The following CHODL variants were observed in gnomAD, a reference collection of about 807,000 sequenced individuals.
CHODL encodes the protein chondrolectin.
A neutral mutation model predicts 34.5 loss-of-function variants in CHODL; 29 were observed. That is an observed-to-expected ratio of 0.84 (90% CI 0.63 to 1.15). CHODL has a LOEUF of 1.15. Ranked by LOEUF, CHODL falls within the 50% of genes most tolerant of loss-of-function variation. CHODL has a pLI of 0.00. For synonymous variants in CHODL, 125 were observed against 116.1 expected, an observed-to-expected ratio of 1.08 and a Z score of -0.49; for missense variants, 332 against 332.5, an observed-to-expected ratio of 1.00 and a Z score of 0.01.
intron 1 of CHODL, among the ~76,000 whole-genome samples, chr21:17,958,459 A>G (rs1434046785): frequency 6.6e-6 from 1 of 152,136 alleles, no homozygotes; most frequent in African/African-American, 2.4e-5. Flanking sequence ...CTGGTATCAT[A>G]CTACTTCTCC....
intron 2 of CHODL, among the ~76,000 whole-genome samples, chr21:18,190,149 G>C (rs2073494148): frequency 2.0e-5 from 3 of 151,790 alleles, no homozygotes; most frequent in African/African-American, 7.3e-5. Context: ...CTTACATTTT[G>C]TTAACTTCTG....
chr21:17,924,271 TGAG>T (rs1338595606), intron 1 of CHODL, among the ~76,000 whole-genome samples: 1 of 152,034 alleles, frequency 6.6e-6, no homozygotes, highest in Non-Finnish European at 1.5e-5. Flanking sequence ...TGAAGGGACT[TGAG>T]GAGAGAAATG....
chr21:17,996,060 C>T (rs1429377333), intron 1 of CHODL, among the ~76,000 whole-genome samples: 1 of 152,024 alleles, frequency 6.6e-6, no homozygotes, highest in Admixed American at 6.6e-5. Context: ...GATTGAGTGA[C>T]TTTTGACTCA....
chr21:17,971,114 T>C (rs1200020544), intron 1 of CHODL, among the ~76,000 whole-genome samples: 1 of 152,242 alleles, frequency 6.6e-6, no homozygotes, highest in African/African-American at 2.4e-5. Context: ...GTGTCACATT[T>C]TCTTTATCCA....
chr21:18,171,198 G>GTTTTTTTTTTTTTTTTTTT, intron 2 of CHODL, among the ~76,000 whole-genome samples: 1 of 37,066 alleles, frequency 2.7e-5, no homozygotes, highest in Admixed American at 6.5e-4. Context: ...GTTTTCTTTA[G>GTTTTTTTTTTTTTTTTTTT]TTTTTTTTTT....
intron 1 of CHODL, among the ~76,000 whole-genome samples, chr21:18,012,793 A>G (rs2064031405): frequency 6.6e-6 from 1 of 152,254 alleles, no homozygotes. Flanking sequence ...CATGGTCACC[A>G]TGCTGAAATA....
intron 1 of CHODL, among the ~76,000 whole-genome samples, chr21:18,251,473 T>TTATTTAATATATAAAATAAA (rs2074239138): frequency 4.5e-4 from 2 of 4,414 alleles, no homozygotes; most frequent in African/African-American, 7.3e-4. Context: ...TTTATTTTAA[T>TTATTTAATATATAAAATAAA]TATTTATTTT....
In CHODL at chr21:18,256,580, C is replaced by CGAGT. The variant is rs1399348195; in HGVS notation, c.155_158dup (p.Phe54GlufsTer10). On this transcript the variant is annotated frameshift_variant, in exon 2 of 6. Coordinates refer to ENST00000299295, the MANE Select transcript of CHODL (RefSeq NM_024944.3). LOFTEE classifies it high-confidence loss of function. ...GGCCTACTTCCATGAACTGTCCAGCCGAGTGAGCTTTCAGGAGGCACGCCT... is the reference window on the plus strand; with the variant it reads ...GGCCTACTTCCATGAACTGTCCAGCCGAGTGAGTGAGCTTTCAGGAGGCACGCCT... 6.2e-7 allele frequency: 1 copy of CGAGT among 1,613,634 alleles called. No individual in the cohort carries two copies. Among genetic ancestry groups the CGAGT allele is most frequent in the Non-Finnish European group, 8.5e-7 (1 of 1,179,954 alleles).
chr21:17,987,161 A>T (rs1174481199), intron 1 of CHODL, among the ~76,000 whole-genome samples: 2 of 152,124 alleles, frequency 1.3e-5, no homozygotes, highest in Admixed American at 1.3e-4. Context: ...TCACAGTAAG[A>T]TCTATTAATT....
intron 1 of CHODL, among the ~76,000 whole-genome samples, chr21:17,961,302 A>T (rs2063530576): frequency 6.6e-6 from 1 of 152,236 alleles, no homozygotes; most frequent in South Asian, 2.1e-4. Context: ...CAGTTCAGCT[A>T]GTGCTACCTA....
intron 2 of CHODL, among the ~76,000 whole-genome samples, chr21:18,227,257 G>A (rs1568945120): frequency 6.6e-6 from 1 of 152,162 alleles, no homozygotes; most frequent in East Asian, 1.9e-4. Flanking sequence ...TATGAATTTT[G>A]GGGAGACACA....
At chr21:17,942,583 T>C (rs1418939064) in intron 1 of CHODL, among the ~76,000 whole-genome samples, 1 of 151,978 alleles carries the variant, frequency 6.6e-6, no homozygotes, top group Non-Finnish European at 1.5e-5. Flanking sequence ...TAATATATAG[T>C]ACAAAAGAAA....
chr21:18,165,969 C>G (rs543380681), intron 2 of CHODL, among the ~76,000 whole-genome samples: 2 of 152,208 alleles, frequency 1.3e-5, no homozygotes, highest in African/African-American at 4.8e-5. Flanking sequence ...AGGCTTAAAA[C>G]AGTAAAAATT....
chr21:18,144,250 AATT>A (rs2072837776), intron 2 of CHODL, among the ~76,000 whole-genome samples: 1 of 152,220 alleles, frequency 6.6e-6, no homozygotes, highest in Middle Eastern at 3.4e-3. Flanking sequence ...TATATTTGAA[AATT>A]ATTATATTTT....
At chr21:18,241,249 T>TAA (rs34330433), upstream of CHODL, among the ~76,000 whole-genome samples, 1,374 of 145,150 alleles carry the variant, frequency 9.5e-3, 11 homozygotes, top group African/African-American at 0.017. Context: ...ATTACTCAGA[T>TAA]AAAAAAAAAA....
At chr21:18,064,371 T>C (rs1199641842) in intron 2 of CHODL, among the ~76,000 whole-genome samples, 3 of 152,218 alleles carry the variant, frequency 2.0e-5, no homozygotes, top group Non-Finnish European at 4.4e-5. Flanking sequence ...CAAACCTATG[T>C]ACTTAATATT....
At chr21:17,965,569 C>T (rs771844061) in intron 1 of CHODL, among the ~76,000 whole-genome samples, 5 of 152,156 alleles carry the variant, frequency 3.3e-5, no homozygotes, top group Middle Eastern at 3.4e-3. Context: ...TTGCTACTTC[C>T]GTGGGCTTCT....
chr21:17,999,538 G>A (rs906729049), intron 1 of CHODL, among the ~76,000 whole-genome samples: 1 of 152,170 alleles, frequency 6.6e-6, no homozygotes, highest in African/African-American at 2.4e-5. Context: ...TGCATTTTCA[G>A]TTCCCCATGG....
chr21:18,092,750 C>T (rs2065089104), intron 2 of CHODL, among the ~76,000 whole-genome samples: 1 of 152,126 alleles, frequency 6.6e-6, no homozygotes, highest in South Asian at 2.1e-4. Context: ...TGAAGACAGG[C>T]TATTTGAAAA....
Sources: gnomAD v4.1 joint callset for allele counts (sites outside exome capture counted in the v4.1 genomes callset) on GRCh38, gnomAD v4.1.1 for gene constraint, MANE v1.5 for transcripts, NCBI Gene and HGNC (gene_info 2026-07-23, HGNC 2026-07-21) for gene names.